The following MBNL2 variants were observed in gnomAD, a reference collection of about 807,000 sequenced individuals.
The protein encoded by MBNL2 is muscleblind like splicing regulator 2.
MBNL2 carries 17 observed loss-of-function variants against 41.9 expected under a neutral mutation model. The ratio of observed to expected loss-of-function variants is 0.41; its 90% CI spans 0.28 to 0.61. The LOEUF (loss-of-function observed/expected upper bound fraction) is 0.61. Among genes scored for constraint, MBNL2 ranks in the 20% least tolerant of loss-of-function variants. MBNL2 has a pLI of 0.35. For synonymous variants in MBNL2, 195 were observed against 182.9 expected (o/e 1.07, Z -0.53); for missense variants, 336 against 505.6 (o/e 0.66, Z 3.22).
intron 2 of MBNL2, among the ~76,000 whole-genome samples, chr13:97,277,634 T>G (rs193099172): frequency 4.6e-5 from 7 of 152,310 alleles, no homozygotes; most frequent in Non-Finnish European, 2.9e-5. Context: ...AAGGGAAATT[T>G]TGTCAATACA....
At chr13:97,347,408 G>T (rs930440503) in intron 5 of MBNL2, among the ~76,000 whole-genome samples, 10 of 152,132 alleles carry the variant, frequency 6.6e-5, no homozygotes, top group African/African-American at 2.4e-4. Flanking sequence ...GGTGGGCACC[G>T]CTTCGGAGAG....
chr13:97,173,988 C>A, the MBNL2 span, among the ~76,000 whole-genome samples: 1 of 152,162 alleles, frequency 6.6e-6, no homozygotes, highest in Non-Finnish European at 1.5e-5. Context: ...TTTATATCAT[C>A]TGTCTCACTA....
In MBNL2 at chr13:97,268,641, T is replaced by C. The variant is rs2050319497; in HGVS notation, c.-604-6991T>C. Among the ~76,000 whole-genome samples the C allele has an allele frequency of 6.6e-6, 1 of 152,208 alleles. No homozygotes were observed. The highest frequency in any genetic ancestry group is 2.4e-5 in the African/African-American group (1 of 41,448). ...AGCATTAGTCCTTTAGCTTAGACTT[T>C]GGTTCTTATTAAAATGCAAATATTC... On this transcript the variant is annotated intron_variant, in intron 1 of 8. Coordinates refer to ENST00000679496, the MANE Select transcript of MBNL2 (RefSeq NM_001382683.1). This position sits in a 1 kb window ranked among gnomAD's most constrained non-coding sequence, Gnocchi z 4.6.
chr13:97,291,886 C>A (rs1156773689), intron 2 of MBNL2, among the ~76,000 whole-genome samples: 1 of 61,480 alleles, frequency 1.6e-5, no homozygotes, highest in Non-Finnish European at 2.7e-5. Flanking sequence ...CAGAGCGAGA[C>A]TCCGTCTCCG....
At chr13:97,194,999 C>T in the MBNL2 span, among the ~76,000 whole-genome samples, 1 of 152,170 alleles carries the variant, frequency 6.6e-6, no homozygotes, top group Non-Finnish European at 1.5e-5. Flanking sequence ...TTTGCTCTGC[C>T]TATGGAGTGG....
chr13:97,236,228 C>G (rs2043247895), intron 1 of MBNL2, among the ~76,000 whole-genome samples: 1 of 152,310 alleles, frequency 6.6e-6, no homozygotes, highest in Middle Eastern at 3.4e-3. Context: ...TACTCCCTCA[C>G]ACACACTTTA....
intron 2 of MBNL2, among the ~76,000 whole-genome samples, chr13:97,303,584 G>C (rs2057851126): frequency 6.6e-6 from 1 of 152,168 alleles, no homozygotes; most frequent in South Asian, 2.1e-4. Flanking sequence ...AATTTATTAA[G>C]AATATATTAC....
At chr13:97,182,313 A>G in the MBNL2 span, among the ~76,000 whole-genome samples, 1 of 152,260 alleles carries the variant, frequency 6.6e-6, no homozygotes, top group Non-Finnish European at 1.5e-5. Context: ...CAGCAGGTGG[A>G]CGAAGGAAGT....
At chr13:97,184,212 T>C in the MBNL2 span, among the ~76,000 whole-genome samples, 15 of 152,290 alleles carry the variant, frequency 9.8e-5, no homozygotes, top group African/African-American at 3.6e-4. Flanking sequence ...ATATAGAGAG[T>C]ATCAATTTAG....
the MBNL2 span, among the ~76,000 whole-genome samples, chr13:97,152,419 A>G: frequency 6.6e-6 from 1 of 152,182 alleles, no homozygotes. Flanking sequence ...AGTGAAGTAC[A>G]TGAGTTTTCA....
the MBNL2 span, among the ~76,000 whole-genome samples, chr13:97,150,768 C>A: frequency 6.6e-6 from 1 of 152,172 alleles, no homozygotes; most frequent in Admixed American, 6.5e-5. Context: ...CTTGCCTTAG[C>A]TTCCCGAGTA....
chr13:97,285,023 AAG>A (rs1412296095), intron 2 of MBNL2, among the ~76,000 whole-genome samples: 2 of 152,154 alleles, frequency 1.3e-5, no homozygotes, highest in African/African-American at 4.8e-5. Context: ...AGGAGAAAGA[AAG>A]AAATATTTAT....
the MBNL2 span, among the ~76,000 whole-genome samples, chr13:97,176,457 A>T: frequency 1.3e-5 from 2 of 152,142 alleles, no homozygotes; most frequent in Non-Finnish European, 2.9e-5. Context: ...TAATTTCCAC[A>T]GTAGATGGTA....
chr13:97,266,864 T>C (rs929448128), intron 1 of MBNL2, among the ~76,000 whole-genome samples: 4 of 152,218 alleles, frequency 2.6e-5, no homozygotes, highest in Admixed American at 2.0e-4. Flanking sequence ...ATAAATTACT[T>C]AATGGATAAT....
the MBNL2 span, among the ~76,000 whole-genome samples, chr13:97,156,607 T>A: frequency 7.0e-6 from 1 of 142,790 alleles, no homozygotes; most frequent in Non-Finnish European, 1.5e-5. Context: ...TTCAGCTTTC[T>A]ACATATGGCT....
intron 2 of MBNL2, among the ~76,000 whole-genome samples, chr13:97,311,085 A>G (rs2058567168): frequency 6.6e-6 from 1 of 152,222 alleles, no homozygotes; most frequent in Admixed American, 6.5e-5. Context: ...TTAATCTAAT[A>G]ATTCCAGTTA....
the MBNL2 span, among the ~76,000 whole-genome samples, chr13:97,154,124 G>A: frequency 2.0e-5 from 3 of 152,034 alleles, no homozygotes; most frequent in Non-Finnish European, 4.4e-5. Flanking sequence ...CTAGAAGTTG[G>A]GGAGACTTGG....
At chr13:97,345,690 GATTAT>G (rs1479893683) in intron 4 of MBNL2, among the ~76,000 whole-genome samples, 5 of 151,880 alleles carry the variant, frequency 3.3e-5, no homozygotes, top group African/African-American at 1.2e-4. Context: ...TCTGATTTAT[GATTAT>G]GTTATCTTTG....
At chr13:97,320,432 A>G (rs2059407322) in intron 2 of MBNL2, among the ~76,000 whole-genome samples, 1 of 151,388 alleles carries the variant, frequency 6.6e-6, no homozygotes, top group Non-Finnish European at 1.5e-5. Context: ...AATTTTTTGT[A>G]TTTTTAGTAG....
Sources: allele counts gnomAD v4.1 joint callset (sites outside exome capture counted in the v4.1 genomes callset), GRCh38; gene constraint gnomAD v4.1.1; non-coding constraint Gnocchi (gnomAD v3.1); transcripts MANE v1.5; gene names NCBI Gene and HGNC (gene_info 2026-07-23, HGNC 2026-07-21).